Variants in MGST1 observed in about 807,000 individuals in gnomAD.
MGST1 encodes microsomal glutathione S-transferase 1.
Under a neutral mutation model 8.9 loss-of-function variants are expected in MGST1, and 5 were observed. The observed-to-expected ratio is 0.56, with a 90% CI of 0.29 to 1.19. The LOEUF (loss-of-function observed/expected upper bound fraction) is 1.19, where lower values mean the gene tolerates loss of function less well. Among genes scored for constraint, MGST1 ranks in the 50% most tolerant of loss-of-function variants. The probability of loss-of-function intolerance (pLI) is 0.08; values close to 1 mark genes in which losing one functional copy is unlikely to be tolerated. For missense variants in MGST1, 182 were observed against 187.4 expected, an observed-to-expected ratio of 0.97 and a Z score of 0.17; for synonymous variants, 54 against 67.8, an observed-to-expected ratio of 0.80 and a Z score of 1.00.
intron 3 of MGST1, among the ~76,000 whole-genome samples, chr12:16,360,980 T>TC (rs4149217): frequency 0.35 from 50,515 of 144,002 alleles, 10,288 homozygotes; most frequent in East Asian, 0.73. Context: ...TTTATAGTGT[T>TC]CCCCCCCTCC....
chr12:16,423,596 G>T (rs1940861561), intron 1 of MGST1, among the ~76,000 whole-genome samples: 1 of 152,034 alleles, frequency 6.6e-6, no homozygotes, highest in African/African-American at 2.4e-5. Flanking sequence ...TTATCCTCTA[G>T]AATTATTTTA....
At chr12:16,579,398 C>A (rs1020115640) in intron 4 of MGST1, among the ~76,000 whole-genome samples, 2 of 152,102 alleles carry the variant, frequency 1.3e-5, no homozygotes, top group African/African-American at 4.8e-5. Flanking sequence ...TGATGAGAAA[C>A]AATTTTTTTG....
chr12:16,441,125 A>G (rs1178671741), downstream of MGST1, among the ~76,000 whole-genome samples: 2 of 151,836 alleles, frequency 1.3e-5, no homozygotes, highest in Non-Finnish European at 2.9e-5. Context: ...TAAACTACAC[A>G]TACATCTTTT....
intron 1 of MGST1, among the ~76,000 whole-genome samples, chr12:16,426,014 A>G (rs1940882788): frequency 1.3e-5 from 2 of 152,168 alleles, no homozygotes. Flanking sequence ...TTATAATACA[A>G]TAGACTCCTT....
chr12:16,417,837 A>G (rs1940800015), intron 1 of MGST1, among the ~76,000 whole-genome samples: 1 of 152,176 alleles, frequency 6.6e-6, no homozygotes, highest in Non-Finnish European at 1.5e-5. Flanking sequence ...CCCAAACACA[A>G]CTACTAAAAC....
At chr12:16,391,534 G>A (rs1343788997) in intron 1 of MGST1, among the ~76,000 whole-genome samples, 4 of 151,928 alleles carry the variant, frequency 2.6e-5, no homozygotes, top group Admixed American at 2.6e-4. Context: ...TAGTGTATAT[G>A]TGCCACATTT....
intron 4 of MGST1, among the ~76,000 whole-genome samples, chr12:16,522,541 G>A (rs1481405155): frequency 1.3e-5 from 2 of 151,772 alleles, no homozygotes; most frequent in Admixed American, 1.3e-4. Flanking sequence ...ATCATTACTT[G>A]CCATCATTAT....
intron 4 of MGST1, among the ~76,000 whole-genome samples, chr12:16,501,238 G>A (rs12815704): frequency 0.45 from 67,820 of 152,038 alleles, 17,511 homozygotes; most frequent in Non-Finnish European, 0.59. Context: ...CAGCCGTTTA[G>A]GAGTAGGTTT....
At chr12:16,420,060 T>C (rs1330832056) in intron 1 of MGST1, among the ~76,000 whole-genome samples, 1 of 152,228 alleles carries the variant, frequency 6.6e-6, no homozygotes, top group African/African-American at 2.4e-5. Context: ...AACATTTATG[T>C]TAACAATTCA....
chr12:16,452,168 G>C (rs1489154370), intron 4 of MGST1, among the ~76,000 whole-genome samples: 5 of 151,796 alleles, frequency 3.3e-5, no homozygotes, highest in Non-Finnish European at 5.9e-5. Context: ...GAACTGTAGA[G>C]AGTTGCAAAG....
chr12:16,454,401 CT>C (rs1941153023), intron 4 of MGST1, among the ~76,000 whole-genome samples: 2 of 151,780 alleles, frequency 1.3e-5, no homozygotes, highest in South Asian at 4.1e-4. Context: ...ATTTCTCCTC[CT>C]TCTAGTGATG....
chr12:16,584,798 A>G lies in MGST1; in HGVS notation n.483-4730A>G, dbSNP rs1943266625. On this transcript the variant is annotated intron_variant and non_coding_transcript_variant, in intron 4 of 4. Coordinates refer to the MGST1 transcript ENST00000538857. This position sits in a 1 kb window ranked among gnomAD's most constrained non-coding sequence, Gnocchi z 5.2. ...ACTCCTTGTTAGGCTGAAAGCTCCCAGGAGATTTCTGAAGCAGGAGTGTAA... is the reference window on the plus strand; with the variant it reads ...ACTCCTTGTTAGGCTGAAAGCTCCCGGGAGATTTCTGAAGCAGGAGTGTAA... Among the ~76,000 whole-genome samples, 1 of 152,320 alleles carries G rather than the reference A, an allele frequency of 6.6e-6. No homozygotes were observed.
chr12:16,460,596 AG>A (rs1941210706), intron 4 of MGST1, among the ~76,000 whole-genome samples: 1 of 130,344 alleles, frequency 7.7e-6, no homozygotes. Flanking sequence ...AATTCAGGTC[AG>A]TTTTTTTTTT....
chr12:16,541,976 T>C (rs977932028), intron 4 of MGST1, among the ~76,000 whole-genome samples: 1 of 152,176 alleles, frequency 6.6e-6, no homozygotes, highest in African/African-American at 2.4e-5. Context: ...AGTTCAAGTC[T>C]GTTTAAGTCC....
chr12:16,397,283 T>G (rs559124165), intron 1 of MGST1, among the ~76,000 whole-genome samples: 1 of 152,312 alleles, frequency 6.6e-6, no homozygotes, highest in African/African-American at 2.4e-5. Flanking sequence ...CAACTCAAGA[T>G]GGATCAAGGA....
chr12:16,570,468 T>G (rs896059888), intron 4 of MGST1, among the ~76,000 whole-genome samples: 3 of 151,990 alleles, frequency 2.0e-5, no homozygotes, highest in Non-Finnish European at 4.4e-5. Context: ...AAAAGAAAAA[T>G]AAAGAAAATG....
Position 16,473,552 on chromosome 12 carries a change from G to A in MGST1, n.482+89948G>A, listed in dbSNP as rs187606132. Among the ~76,000 whole-genome samples, 5 of 152,194 alleles carry A rather than the reference G, an allele frequency of 3.3e-5. No homozygotes were observed. The East Asian group carries it at 9.6e-4, about 29-fold the overall frequency. On this transcript the variant is annotated intron_variant and non_coding_transcript_variant, in intron 4 of 4. Coordinates refer to the MGST1 transcript ENST00000538857. ...ATAGCCATTTTTTTGTTGTTTTTTAGTTCACCTCTGTAAGGAACTAGAAAT... is the reference window on the plus strand; with the variant it reads ...ATAGCCATTTTTTTGTTGTTTTTTAATTCACCTCTGTAAGGAACTAGAAAT...
Position 16,363,074 on chromosome 12 carries a change from T to C in MGST1, c.222-721T>C, listed in dbSNP as rs937392331. 1.3e-5 allele frequency: 2 copies of C among 152,236 alleles called. No individual in the cohort carries two copies. Among genetic ancestry groups the C allele is most frequent in the Non-Finnish European group, 2.9e-5 (2 of 68,036 alleles). The allele number at this position is 152,236 out of a possible 1,614,324, so 9.4% of individuals were successfully genotyped here. A position where few individuals can be genotyped will look rare whatever the true frequency, so the allele number is the denominator to read the frequency against. ...TGTGGCTAAAACATGCTTTTTGTTT[T>C]CTTCTAGCTCTGTTATAAAGAAAAC... On this transcript the variant is annotated intron_variant, in intron 3 of 3. Transcript: ENST00000396210. The surrounding 1 kb of genome is among the most constrained non-coding windows in gnomAD (Gnocchi z 4.6).
chr12:16,511,570 G>A lies in MGST1; in HGVS notation n.483-77958G>A, dbSNP rs191339484. ...AAACACCAAAGAGAAAAATGGAAAC[G>A]TCCTAGCATTCCTAGAAGGCATTGT... On this transcript the variant is annotated intron_variant and non_coding_transcript_variant, in intron 4 of 4. Coordinates refer to the MGST1 transcript ENST00000538857. Among the ~76,000 whole-genome samples, 16 of 152,250 alleles carry A rather than the reference G, an allele frequency of 1.1e-4. No individual in the cohort carries two copies. The East Asian group carries it at 2.3e-3, about 22-fold the overall frequency.
Sources: allele counts gnomAD v4.1 joint callset (sites outside exome capture counted in the v4.1 genomes callset), GRCh38; gene constraint gnomAD v4.1.1; non-coding constraint Gnocchi (gnomAD v3.1); transcripts MANE v1.5; gene names NCBI Gene and HGNC (gene_info 2026-07-23, HGNC 2026-07-21).